ZC3H12B: variants seen among roughly 807,000 people sequenced by gnomAD.
The protein encoded by ZC3H12B is zinc finger CCCH-type containing 12B.
ZC3H12B carries 7 observed loss-of-function variants against 43.9 expected under a neutral mutation model. The observed-to-expected ratio is 0.16, with a 90% CI of 0.09 to 0.30. The LOEUF is 0.30. ZC3H12B is among the 10% of genes least tolerant of loss of function. The pLI is 1.00. For synonymous variants in ZC3H12B, 222 were observed against 241.7 expected (o/e 0.92, Z 0.76); for missense variants, 475 against 670.2 (o/e 0.71, Z 3.22).
At chrX:65,078,407 G>A in the ZC3H12B span, among the ~76,000 whole-genome samples, 1 of 112,044 alleles carries the variant, frequency 8.9e-6, no homozygotes, top group Non-Finnish European at 1.9e-5. Flanking sequence ...GGAAGTAAAA[G>A]AATCGAGTGA....
At chrX:65,186,704 G>C in the ZC3H12B span, among the ~76,000 whole-genome samples, 1 of 110,145 alleles carries the variant, frequency 9.1e-6, no homozygotes, top group Non-Finnish European at 1.9e-5. Context: ...TTTTTCCCAA[G>C]TCCCTGAAGT....
the ZC3H12B span, among the ~76,000 whole-genome samples, chrX:65,237,698 T>C: frequency 9.0e-6 from 1 of 111,468 alleles, no homozygotes; most frequent in African/African-American, 3.3e-5. Flanking sequence ...TGGCTGTGGG[T>C]TTCTCATATA....
chrX:65,159,746 AC>A, the ZC3H12B span, among the ~76,000 whole-genome samples: 2 of 111,565 alleles, frequency 1.8e-5, no homozygotes, highest in African/African-American at 6.5e-5. Flanking sequence ...TAATTGAATA[AC>A]CTTTATTTCC....
At chrX:65,102,661 T>C in the ZC3H12B span, among the ~76,000 whole-genome samples, 1 of 111,502 alleles carries the variant, frequency 9.0e-6, no homozygotes, top group Non-Finnish European at 1.9e-5. Flanking sequence ...GTAAAATACC[T>C]AGGAATACAA....
chrX:65,067,503 C>T, the ZC3H12B span, among the ~76,000 whole-genome samples: 1 of 110,161 alleles, frequency 9.1e-6, no homozygotes, highest in Non-Finnish European at 1.9e-5. Context: ...TGAGATGAAC[C>T]GTGTACCTCA....
chrX:65,415,874 C>A (rs1602404978), intron 3 of ZC3H12B, among the ~76,000 whole-genome samples: 1 of 112,155 alleles, frequency 8.9e-6, no homozygotes, highest in Admixed American at 9.4e-5. Flanking sequence ...ATCATTATTA[C>A]TGTCTTTAGA....
chrX:65,457,255 C>T (rs1461060582), intron 3 of ZC3H12B, among the ~76,000 whole-genome samples: 1 of 14,147 alleles, frequency 7.1e-5, no homozygotes. Flanking sequence ...GCAGCCACCC[C>T]GTCTGGGAAG....
At chrX:65,243,401 A>AT in the ZC3H12B span, among the ~76,000 whole-genome samples, 1 of 112,160 alleles carries the variant, frequency 8.9e-6, no homozygotes, top group Admixed American at 9.4e-5. Flanking sequence ...AATGCAAATG[A>AT]AACCCACAAT....
the ZC3H12B span, among the ~76,000 whole-genome samples, chrX:65,230,672 A>G: frequency 1.8e-5 from 2 of 110,420 alleles, no homozygotes; most frequent in African/African-American, 6.6e-5. Context: ...TAGCCTAAAT[A>G]TTATATTCAG....
the ZC3H12B span, among the ~76,000 whole-genome samples, chrX:65,193,033 A>G: frequency 9.1e-6 from 1 of 109,975 alleles, no homozygotes; most frequent in African/African-American, 3.3e-5. Flanking sequence ...CAGCCTCCCA[A>G]TGTGCTGGGA....
chrX:65,171,630 G>A, the ZC3H12B span, among the ~76,000 whole-genome samples: 1 of 111,478 alleles, frequency 9.0e-6, no homozygotes, highest in Non-Finnish European at 1.9e-5. Flanking sequence ...GCTATGCTGT[G>A]CCCCCAGAGG....
At chrX:65,125,513 G>C in the ZC3H12B span, among the ~76,000 whole-genome samples, 1 of 111,293 alleles carries the variant, frequency 9.0e-6, no homozygotes, top group African/African-American at 3.3e-5. Flanking sequence ...AGTATAGTTT[G>C]AATTCATTGT....
the ZC3H12B span, among the ~76,000 whole-genome samples, chrX:65,350,378 T>C: frequency 3.0e-3 from 333 of 111,743 alleles, 1 homozygote; most frequent in African/African-American, 0.01. Context: ...CCACAGCTAA[T>C]GGGCAAAAAC....
the ZC3H12B span, among the ~76,000 whole-genome samples, chrX:65,244,517 G>C: frequency 1.9e-4 from 21 of 108,924 alleles, no homozygotes; most frequent in African/African-American, 6.7e-4. Flanking sequence ...GGCTGAGGCA[G>C]AAGGATCGCT....
the ZC3H12B span, among the ~76,000 whole-genome samples, chrX:65,064,232 A>C: frequency 2.7e-5 from 3 of 110,868 alleles, no homozygotes; most frequent in African/African-American, 9.9e-5. Context: ...TAGTTCTTTT[A>C]ATTGTGATGT....
intron 2 of ZC3H12B, among the ~76,000 whole-genome samples, chrX:65,394,403 TTC>T (rs1236578636): frequency 8.9e-6 from 1 of 112,587 alleles, no homozygotes; most frequent in African/African-American, 3.2e-5. Flanking sequence ...CGGCTCCAGT[TTC>T]TGTTTTCTGC....
intron 2 of ZC3H12B, among the ~76,000 whole-genome samples, chrX:65,378,099 A>G (rs2066373905): frequency 9.5e-6 from 1 of 105,483 alleles, no homozygotes. Context: ...ACTCCATCTC[A>G]AAAAAAAAAA....
At chrX:65,094,754 A>G in the ZC3H12B span, among the ~76,000 whole-genome samples, 2 of 112,135 alleles carry the variant, frequency 1.8e-5, no homozygotes, top group Non-Finnish European at 3.8e-5. Flanking sequence ...ATTGTATTAT[A>G]TTTTGACCTG....
At chrX:65,312,127 A>C in the ZC3H12B span, among the ~76,000 whole-genome samples, 4 of 112,036 alleles carry the variant, frequency 3.6e-5, no homozygotes, top group African/African-American at 9.7e-5. Context: ...CCTGTATCCT[A>C]GAACTTAAGG....
Sources: gnomAD v4.1 joint callset for allele counts (sites outside exome capture counted in the v4.1 genomes callset) on GRCh38, gnomAD v4.1.1 for gene constraint, MANE v1.5 for transcripts, NCBI Gene and HGNC (gene_info 2026-07-23, HGNC 2026-07-21) for gene names.